Variants in TMEM207 observed in about 807,000 individuals in gnomAD.
TMEM207 encodes the protein transmembrane protein 207.
A neutral mutation model predicts 17.4 loss-of-function variants in TMEM207; 15 were observed. The observed-to-expected ratio is 0.86, with a 90% CI of 0.58 to 1.33. TMEM207 has a LOEUF of 1.33. Ranked by LOEUF, TMEM207 falls within the 40% of genes most tolerant of loss-of-function variation. The pLI, the probability that TMEM207 is intolerant of heterozygous loss-of-function variation, is 0.00. For missense variants in TMEM207, 205 were observed against 173.8 expected (o/e 1.18, Z -1.01); for synonymous variants, 70 against 65.6 (o/e 1.07, Z -0.33).
intron 2 of TMEM207, among the ~76,000 whole-genome samples, chr3:190,442,091 T>C (rs1719949011): frequency 6.6e-6 from 1 of 152,200 alleles, no homozygotes; most frequent in South Asian, 2.1e-4. Context: ...CACAATTCAA[T>C]CTTTCTTGAG....
intron 2 of TMEM207, 101 bp downstream of exon 2, chr3:190,447,689 T>A (rs1449856259): frequency 1.9e-5 from 22 of 1,176,688 alleles, no homozygotes; most frequent in Non-Finnish European, 2.5e-5. Context: ...TAATGATCAT[T>A]TGAAACTCAA....
chr3:190,436,228 G>A (rs890259661), intron 4 of TMEM207, among the ~76,000 whole-genome samples: 1 of 152,134 alleles, frequency 6.6e-6, no homozygotes, highest in Non-Finnish European at 1.5e-5. Flanking sequence ...AGGAACCCAA[G>A]GTTAATATAT....
chr3:190,439,102 G>A (rs1156381130), intron 4 of TMEM207, among the ~76,000 whole-genome samples: 7 of 151,312 alleles, frequency 4.6e-5, no homozygotes, highest in African/African-American at 1.5e-4. Flanking sequence ...GCGTGAACCC[G>A]GGAGGGGGAG....
chr3:190,446,292 A>C (rs758024226), intron 2 of TMEM207, among the ~76,000 whole-genome samples: 1 of 152,212 alleles, frequency 6.6e-6, no homozygotes, highest in Non-Finnish European at 1.5e-5. Context: ...TTAGAGAAAG[A>C]GGATTTTTCT....
intron 4 of TMEM207, among the ~76,000 whole-genome samples, chr3:190,432,265 C>T (rs112737767): frequency 0.015 from 2,275 of 152,278 alleles, 54 homozygotes; most frequent in African/African-American, 0.052. Flanking sequence ...CCTGTTTCTT[C>T]TCTTTCCTTT....
At chr3:190,430,437 T>A (rs1344739173) in intron 4 of TMEM207, among the ~76,000 whole-genome samples, 1 of 151,768 alleles carries the variant, frequency 6.6e-6, no homozygotes, top group Non-Finnish European at 1.5e-5. Context: ...TGAAAGACTG[T>A]GTTTGGGTAA....
intron 4 of TMEM207, among the ~76,000 whole-genome samples, chr3:190,440,030 G>A (rs1285548335): frequency 1.3e-5 from 2 of 152,140 alleles, no homozygotes; most frequent in East Asian, 3.9e-4. Flanking sequence ...ATACTTAACT[G>A]TGGGTCAGTT....
At chr3:190,434,895 G>A (rs1719767972) in intron 4 of TMEM207, among the ~76,000 whole-genome samples, 1 of 152,216 alleles carries the variant, frequency 6.6e-6, no homozygotes, top group African/African-American at 2.4e-5. Context: ...GGACCAGGAA[G>A]AGGAAGTGGG....
chr3:190,447,538 C>T (rs1720076591), intron 2 of TMEM207, among the ~76,000 whole-genome samples: 1 of 152,002 alleles, frequency 6.6e-6, no homozygotes, highest in Admixed American at 6.6e-5. Context: ...AAGATAAATT[C>T]AGTGTGCAAA....
chr3:190,448,018 A>G (rs1720087526), intron 1 of TMEM207, among the ~76,000 whole-genome samples, 191 bp from the exon 2 acceptor site: 1 of 152,204 alleles, frequency 6.6e-6, no homozygotes, highest in African/African-American at 2.4e-5. Flanking sequence ...TCTTAAGCTC[A>G]GCAGTGGCAG....
At chr3:190,430,801 C>A (rs1047431180) in intron 4 of TMEM207, among the ~76,000 whole-genome samples, 1 of 152,028 alleles carries the variant, frequency 6.6e-6, no homozygotes, top group Admixed American at 6.6e-5. Flanking sequence ...ATATATTTTG[C>A]AAAGCCAAAA....
At position 190,449,745 on chromosome 3, in the gene TMEM207, G is replaced by A. The variant is rs148503262; in HGVS notation, c.65C>T (p.Pro22Leu). The A allele has an allele frequency of 5.7e-4, 916 of 1,613,730 alleles. 2 individuals carry two copies. Among genetic ancestry groups the A allele is most frequent in the Non-Finnish European group, 5.6e-4 (662 of 1,179,752 alleles). The change falls in exon 1 of 5, where the codon CCG (proline) becomes CTG (leucine). Residue 22 changes from proline to leucine, a missense_variant. Transcript: ENST00000354905. ...AISTIGILCL[P>L]LFQLVLSDLP... ...AAGAGAGATAGTTACCTGGAATAGC[G>A]GCAAACACAAGATCCCTATCGTTGA... is the stretch of plus-strand genomic sequence containing the variant.
Position 190,429,746 on chromosome 3 carries a change from A to G in TMEM207, c.305-15T>C, listed in dbSNP as rs745724468. On this transcript the variant is annotated splice_polypyrimidine_tract_variant and intron_variant, in intron 4 of 4. Coordinates refer to ENST00000354905, the MANE Select transcript of TMEM207 (RefSeq NM_207316.3). ...TGCTTCTGTCCCTGGAAAGAGAAAGATGAAGACTTGTAATCTTTCTAGTGA... is the reference window on the plus strand; with the variant it reads ...TGCTTCTGTCCCTGGAAAGAGAAAGGTGAAGACTTGTAATCTTTCTAGTGA... 6.9e-6 allele frequency: 11 copies of G among 1,586,676 alleles called. No individual in the cohort carries two copies. The highest frequency in any genetic ancestry group is 5.8e-5 in the South Asian group (5 of 86,076).
chr3:190,434,765 A>G (rs577940729), intron 4 of TMEM207, among the ~76,000 whole-genome samples: 1 of 152,336 alleles, frequency 6.6e-6, no homozygotes, highest in South Asian at 2.1e-4. Context: ...ACATGAGGTC[A>G]TTGAGCGGAC....
chr3:190,438,854 G>A (rs1443178672), intron 4 of TMEM207, among the ~76,000 whole-genome samples: 2 of 152,114 alleles, frequency 1.3e-5, no homozygotes, highest in Non-Finnish European at 2.9e-5. Context: ...GATTTTAGGA[G>A]GAAGAACTAT....
intron 4 of TMEM207, among the ~76,000 whole-genome samples, chr3:190,435,963 G>A (rs1216722824): frequency 6.6e-6 from 1 of 152,158 alleles, no homozygotes; most frequent in Non-Finnish European, 1.5e-5. Flanking sequence ...CCATGTAATA[G>A]TATCAGTAGT....
At chr3:190,433,721 A>G (rs1025440133) in intron 4 of TMEM207, among the ~76,000 whole-genome samples, 8 of 152,098 alleles carry the variant, frequency 5.3e-5, no homozygotes, top group African/African-American at 1.9e-4. Context: ...GGTTTTGCAG[A>G]TTGATATGAT....
chr3:190,444,507 A>T (rs1720004154), intron 2 of TMEM207: 5 of 412,822 alleles, frequency 1.2e-5, no homozygotes, highest in African/African-American at 5.8e-5. Context: ...TGAAAATTAA[A>T]AAAAAAAAAA....
chr3:190,429,992 G>A (rs1386092763), intron 4 of TMEM207, among the ~76,000 whole-genome samples: 1 of 152,134 alleles, frequency 6.6e-6, no homozygotes, highest in Non-Finnish European at 1.5e-5. Context: ...TTTAGGAGCT[G>A]AAACTAGAAG....
Sources: allele counts gnomAD v4.1 joint callset (sites outside exome capture counted in the v4.1 genomes callset), GRCh38; gene constraint gnomAD v4.1.1; transcripts MANE v1.5; gene names NCBI Gene and HGNC (gene_info 2026-07-23, HGNC 2026-07-21).